The following CAP1 variants were observed in gnomAD, a reference collection of about 807,000 sequenced individuals.
CAP1 encodes adenylyl cyclase-associated protein 1.
In CAP1, 11 loss-of-function variants were observed where a neutral mutation model predicts 58.2. That is an observed-to-expected ratio of 0.19 (90% CI 0.12 to 0.31). The LOEUF is 0.31. Among genes scored for constraint, CAP1 ranks in the 10% least tolerant of loss-of-function variants. CAP1 has a pLI of 1.00. For missense variants in CAP1, 423 were observed against 587.5 expected, an observed-to-expected ratio of 0.72 and a Z score of 2.89; for synonymous variants, 183 against 213.8, an observed-to-expected ratio of 0.86 and a Z score of 1.26.
chr1:40,067,266 A>G (rs907551318), intron 7 of CAP1: 1 of 395,260 alleles, frequency 2.5e-6, no homozygotes, highest in Admixed American at 4.4e-5. Flanking sequence ...ACACTAAGGA[A>G]GATGTCAAGT....
Position 40,058,528 on chromosome 1 carries a change from C to A in CAP1, c.-10-809C>A, listed in dbSNP as rs193136700. Among the ~76,000 whole-genome samples the A allele has an allele frequency of 3.4e-3, 521 of 152,220 alleles. 2 individuals carry two copies. Among genetic ancestry groups the A allele is most frequent in the African/African-American group, 0.012 (497 of 41,532 alleles). ...ATTACTTGAGGTCAAGAGTTCAAGA[C>A]CATCCTAGCCAACACAGTGAAACCC... On this transcript the variant is annotated intron_variant, in intron 1 of 12. Transcript: ENST00000372805.
At position 40,071,595 on chromosome 1, in the gene CAP1, G is replaced by C; in HGVS notation, c.*62G>C. The C allele has an allele frequency of 1.8e-6, 2 of 1,084,112 alleles. No individual in the cohort carries two copies. The highest frequency in any genetic ancestry group is 2.6e-5 in the South Asian group (2 of 75,908). 67.2% of individuals were successfully genotyped at this position (1,084,112 alleles called of 1,614,324 possible). A position where few individuals can be genotyped will look rare whatever the true frequency, so the allele number is the denominator to read the frequency against. On this transcript the variant is annotated 3_prime_UTR_variant, in exon 13 of 13. Coordinates refer to ENST00000372805, the MANE Select transcript of CAP1 (RefSeq NM_006367.4). ...CCATGGGATAAATCTGTATCAAGAC[G>C]GTTCTTTTCTAGATTTCCTCTACCT...
chr1:40,056,673 T>TGG (rs909550009), intron 1 of CAP1, among the ~76,000 whole-genome samples: 1 of 151,950 alleles, frequency 6.6e-6, no homozygotes, highest in Non-Finnish European at 1.5e-5. Flanking sequence ...AGTCTATAGG[T>TGG]GGTTATGGTG....
intron 1 of CAP1, among the ~76,000 whole-genome samples, chr1:40,053,176 A>G (rs1386384016): frequency 6.6e-6 from 1 of 152,162 alleles, no homozygotes; most frequent in Non-Finnish European, 1.5e-5. Flanking sequence ...GTGATCTGAG[A>G]TCGTGCCACT....
At chr1:40,070,630 C>G in intron 11 of CAP1, 118 bp downstream of exon 11, 1 of 1,006,510 alleles carries the variant, frequency 9.9e-7, no homozygotes, top group Non-Finnish European at 1.5e-6. Flanking sequence ...GTAAGCTGAG[C>G]TGCTTTGGAC....
chr1:40,071,847 A>C lies in CAP1; in HGVS notation c.*314A>C. 2.2e-6 allele frequency: 1 copy of C among 461,288 alleles called. No homozygotes were observed. The highest frequency in any genetic ancestry group is 3.8e-5 in the Admixed American group (1 of 26,540). 28.6% of individuals were successfully genotyped at this position (461,288 alleles called of 1,614,324 possible). A position where few individuals can be genotyped will look rare whatever the true frequency, so the allele number is the denominator to read the frequency against. On this transcript the variant is annotated 3_prime_UTR_variant, in exon 13 of 13. Coordinates refer to ENST00000372805, the MANE Select transcript of CAP1 (RefSeq NM_006367.4). Reference sequence around the variant, plus strand: ...TTGAGCTTTTGGGGGTTATTCTACCAACAAACAGTCCATTGGAAAGAAAAC... The same window carrying C: ...TTGAGCTTTTGGGGGTTATTCTACCCACAAACAGTCCATTGGAAAGAAAAC...
intron 1 of CAP1, among the ~76,000 whole-genome samples, chr1:40,052,023 G>T (rs1259134235): frequency 1.3e-5 from 2 of 152,164 alleles, no homozygotes; most frequent in Non-Finnish European, 2.9e-5. Flanking sequence ...TATTTCTTCA[G>T]TAGGCCCACA....
chr1:40,066,623 A>T (rs752841595), intron 7 of CAP1, among the ~76,000 whole-genome samples: 1 of 152,208 alleles, frequency 6.6e-6, no homozygotes, highest in African/African-American at 2.4e-5. Flanking sequence ...GAGCTTAAAA[A>T]TAAGAATGCA....
Position 40,067,525 on chromosome 1 carries a change from C to T in CAP1, c.631-15C>T, listed in dbSNP as rs759987106. 6.3e-7 allele frequency: 1 copy of T among 1,599,552 alleles called. No homozygotes were observed. The highest frequency in any genetic ancestry group is 8.5e-7 in the Non-Finnish European group (1 of 1,172,478). On this transcript the variant is annotated splice_polypyrimidine_tract_variant and intron_variant, in intron 7 of 12. Coordinates refer to ENST00000372805, the MANE Select transcript of CAP1 (RefSeq NM_006367.4). ...GCAGAGAGGATGATGATGTTACCTG[C>T]ACTTATTGTTCCAGGGGCCTGTGGC...
intron 7 of CAP1, 93 bp downstream of exon 7, chr1:40,066,413 T>A: frequency 1.4e-6 from 1 of 694,044 alleles, no homozygotes; most frequent in Non-Finnish European, 2.6e-6. Context: ...ACTACCAAAG[T>A]CTGTGAGGGA....
chr1:40,051,859 G>A (rs1469554791), intron 1 of CAP1, among the ~76,000 whole-genome samples: 1 of 152,064 alleles, frequency 6.6e-6, no homozygotes, highest in African/African-American at 2.4e-5. Context: ...GTGAGCCACC[G>A]CGCCCAGCCT....
intron 5 of CAP1, 47 bp from the exon 6 acceptor site, chr1:40,064,427 A>G (rs1431780192): frequency 3.1e-6 from 5 of 1,612,410 alleles, no homozygotes; most frequent in African/African-American, 1.3e-5. Flanking sequence ...AGGGAAGGCA[A>G]TATAGTTGGA....
In CAP1 at chr1:40,072,120, C is replaced by CGTGAGATA; in HGVS notation, c.*589_*596dup. 2.5e-6 allele frequency: 1 copy of CGTGAGATA among 400,144 alleles called. No homozygotes were observed. Among genetic ancestry groups the CGTGAGATA allele is most frequent in the Non-Finnish European group, 4.4e-6 (1 of 226,892 alleles). 24.8% of individuals were successfully genotyped at this position (400,144 alleles called of 1,614,324 possible). ...TATTCTATCCTGGGTCTGCCTCAAC[C>CGTGAGATA]GTGAGATAGGAGAGTCTCTGGTACT... On this transcript the variant is annotated 3_prime_UTR_variant, in exon 13 of 13. Coordinates refer to ENST00000372805, the MANE Select transcript of CAP1 (RefSeq NM_006367.4).
intron 1 of CAP1, among the ~76,000 whole-genome samples, chr1:40,045,339 C>T (rs1378895951): frequency 1.3e-5 from 2 of 152,090 alleles, no homozygotes; most frequent in Non-Finnish European, 2.9e-5. Context: ...TTAGCACAGT[C>T]GATGGTACAT....
At chr1:40,069,481 A>G (rs1464225213) in intron 8 of CAP1, 3 of 560,760 alleles carry the variant, frequency 5.3e-6, no homozygotes, top group Non-Finnish European at 9.5e-6. Context: ...CAATATACAC[A>G]CATTCCATGT....
intron 1 of CAP1, among the ~76,000 whole-genome samples, chr1:40,057,891 A>T (rs867091004): frequency 2.6e-5 from 4 of 152,198 alleles, no homozygotes; most frequent in Non-Finnish European, 2.9e-5. Context: ...TAGGGTCTCA[A>T]ATACTTTATG....
chr1:40,048,349 G>C lies in CAP1; in HGVS notation c.-11+7548G>C, dbSNP rs867697686. Among the ~76,000 whole-genome samples, 22 of 152,258 alleles carry C rather than the reference G, an allele frequency of 1.4e-4. 1 individual carries two copies. The South Asian group carries it at 3.5e-3, about 24-fold the overall frequency. On this transcript the variant is annotated intron_variant, in intron 1 of 12. Transcript: ENST00000372805. ...TGAGCCATTGCACCTGGCCTTACAG[G>C]CATGAGCCATTGCACCTGGCCTAAA...
Position 40,064,383 on chromosome 1 carries a change from G to C in CAP1, c.438+13G>C. On this transcript the variant is annotated intron_variant, in intron 5 of 12. Transcript: ENST00000372805. ...CTGGGTGGCTATGGTGAGCAGCGCA[G>C]ATTCCAGGGCTGGGGGTGGGTATAG... 1 of 1,614,128 alleles carries C rather than the reference G, an allele frequency of 6.2e-7. No homozygotes were observed. Among genetic ancestry groups the C allele is most frequent in the Non-Finnish European group, 8.5e-7 (1 of 1,180,006 alleles).
At position 40,072,122 on chromosome 1, in the gene CAP1, T is replaced by C. The variant is rs1363111867; in HGVS notation, c.*589T>C. 2.5e-6 allele frequency: 1 copy of C among 400,046 alleles called. No individual in the cohort carries two copies. Among genetic ancestry groups the C allele is most frequent in the African/African-American group, 2.1e-5 (1 of 48,594 alleles). 24.8% of individuals were successfully genotyped at this position (400,046 alleles called of 1,614,324 possible). On this transcript the variant is annotated 3_prime_UTR_variant, in exon 13 of 13. Transcript: ENST00000372805. ...TTCTATCCTGGGTCTGCCTCAACCG[T>C]GAGATAGGAGAGTCTCTGGTACTAG...
Sources: allele counts gnomAD v4.1 joint callset (sites outside exome capture counted in the v4.1 genomes callset), GRCh38; gene constraint gnomAD v4.1.1; transcripts MANE v1.5; gene names NCBI Gene and HGNC (gene_info 2026-07-23, HGNC 2026-07-21).